RPS6KC1: variants seen among roughly 807,000 people sequenced by gnomAD.
RPS6KC1 encodes inactive ribosomal protein S6 kinase delta-1.
Under a neutral mutation model 103.8 loss-of-function variants are expected in RPS6KC1, and 54 were observed. The ratio of observed to expected loss-of-function variants is 0.52; its 90% CI spans 0.42 to 0.65. The LOEUF (loss-of-function observed/expected upper bound fraction) is 0.65, where lower values mean the gene tolerates loss of function less well. Ranked by LOEUF, RPS6KC1 falls within the 30% of genes least tolerant of loss-of-function variation. The pLI, the probability that RPS6KC1 is intolerant of heterozygous loss-of-function variation, is 0.00. For missense variants in RPS6KC1, 1,151 were observed against 1,253.8 expected (o/e 0.92, Z 1.24); for synonymous variants, 439 against 438.7 (o/e 1.00, Z -0.01).
At chr1:213,675,133 G>C in the RPS6KC1 span, among the ~76,000 whole-genome samples, 619 of 152,310 alleles carry the variant, frequency 4.1e-3, 2 homozygotes, top group East Asian at 0.033. Context: ...CTGAGCAGAA[G>C]CTCTTAAAAT....
At chr1:213,709,171 G>A in the RPS6KC1 span, among the ~76,000 whole-genome samples, 15 of 152,218 alleles carry the variant, frequency 9.9e-5, no homozygotes, top group East Asian at 5.8e-4. Context: ...CTGTGAATCC[G>A]TCTGGTCCTG....
chr1:213,569,395 GT>G, the RPS6KC1 span, among the ~76,000 whole-genome samples: 1 of 152,132 alleles, frequency 6.6e-6, no homozygotes, highest in African/African-American at 2.4e-5. Flanking sequence ...TAAGGATCCA[GT>G]GATCAAGGCT....
At chr1:213,421,069 A>G in the RPS6KC1 span, among the ~76,000 whole-genome samples, 1 of 152,176 alleles carries the variant, frequency 6.6e-6, no homozygotes, top group Non-Finnish European at 1.5e-5. Flanking sequence ...GTTTCCAAAT[A>G]AGGTCACATT....
the RPS6KC1 span, among the ~76,000 whole-genome samples, chr1:213,620,081 T>C: frequency 2.0e-5 from 3 of 152,352 alleles, no homozygotes; most frequent in African/African-American, 7.2e-5. Context: ...TGTGTTCCAG[T>C]CACTGTCCTG....
At chr1:213,763,393 C>T in the RPS6KC1 span, among the ~76,000 whole-genome samples, 6 of 152,250 alleles carry the variant, frequency 3.9e-5, no homozygotes, top group East Asian at 7.7e-4. Context: ...AGGAGTCCAG[C>T]GAGCTGATGG....
the RPS6KC1 span, among the ~76,000 whole-genome samples, chr1:213,672,270 C>A: frequency 1.3e-5 from 2 of 152,228 alleles, no homozygotes; most frequent in African/African-American, 4.8e-5. Context: ...TATTTGGCCA[C>A]AACCTGATCT....
At chr1:213,226,772 A>C (rs2093974040) in intron 8 of RPS6KC1, among the ~76,000 whole-genome samples, 1 of 152,172 alleles carries the variant, frequency 6.6e-6, no homozygotes, top group East Asian at 1.9e-4. Context: ...TGTTTAGCAT[A>C]GATTACACTC....
chr1:213,677,486 G>T, the RPS6KC1 span, among the ~76,000 whole-genome samples: 1 of 152,118 alleles, frequency 6.6e-6, no homozygotes, highest in Non-Finnish European at 1.5e-5. Context: ...TTAAGAAGAA[G>T]AATAAAAGTA....
chr1:213,737,994 A>G, the RPS6KC1 span, among the ~76,000 whole-genome samples: 1 of 152,220 alleles, frequency 6.6e-6, no homozygotes, highest in Non-Finnish European at 1.5e-5. Flanking sequence ...AGGGTAGTGA[A>G]TATAATGTCT....
At chr1:213,715,578 A>C in the RPS6KC1 span, among the ~76,000 whole-genome samples, 1 of 152,232 alleles carries the variant, frequency 6.6e-6, no homozygotes, top group Non-Finnish European at 1.5e-5. Flanking sequence ...GTTGACATTC[A>C]TGGTTCATAT....
the RPS6KC1 span, among the ~76,000 whole-genome samples, chr1:213,331,250 T>C: frequency 6.6e-6 from 1 of 152,306 alleles, no homozygotes; most frequent in South Asian, 2.1e-4. Flanking sequence ...TCCATCCAAG[T>C]CTTAAAGTTC....
the RPS6KC1 span, among the ~76,000 whole-genome samples, chr1:213,852,338 C>T: frequency 6.6e-6 from 1 of 152,120 alleles, no homozygotes; most frequent in Non-Finnish European, 1.5e-5. Context: ...CTCCCCATCT[C>T]TGTCATCCAC....
the RPS6KC1 span, among the ~76,000 whole-genome samples, chr1:213,646,547 T>C: frequency 6.6e-6 from 1 of 152,096 alleles, no homozygotes; most frequent in African/African-American, 2.4e-5. Flanking sequence ...GATACAGCTG[T>C]TGTCTTGGGG....
chr1:213,106,670 A>G (rs2082531184), intron 4 of RPS6KC1, among the ~76,000 whole-genome samples: 1 of 152,220 alleles, frequency 6.6e-6, no homozygotes, highest in Non-Finnish European at 1.5e-5. Context: ...GCAAATGACC[A>G]TATAGCCACT....
chr1:213,259,734 ATTTT>A (rs71147063), intron 12 of RPS6KC1, among the ~76,000 whole-genome samples: 1 of 97,916 alleles, frequency 1.0e-5, no homozygotes, highest in Admixed American at 1.5e-4. Flanking sequence ...TGTTTTTTTA[ATTTT>A]TTTTTTTTTT....
At chr1:213,558,278 G>A in the RPS6KC1 span, among the ~76,000 whole-genome samples, 1 of 152,358 alleles carries the variant, frequency 6.6e-6, no homozygotes, top group East Asian at 1.9e-4. Context: ...CATGGGTAGA[G>A]AGAGTGGGAA....
chr1:213,130,133 T>C (rs2085442099), intron 6 of RPS6KC1, among the ~76,000 whole-genome samples: 2 of 152,278 alleles, frequency 1.3e-5, no homozygotes, highest in Non-Finnish European at 2.9e-5. Context: ...TAAAAAAAAG[T>C]CAGCATGTCT....
At chr1:213,394,352 G>A in the RPS6KC1 span, among the ~76,000 whole-genome samples, 14 of 152,252 alleles carry the variant, frequency 9.2e-5, no homozygotes, top group African/African-American at 3.1e-4. Context: ...CGGCCATGGC[G>A]AGGGAGTATT....
the RPS6KC1 span, among the ~76,000 whole-genome samples, chr1:213,697,255 G>A: frequency 5.3e-5 from 8 of 152,226 alleles, no homozygotes; most frequent in Admixed American, 2.6e-4. Context: ...ATAATGAAGA[G>A]TGTCAGTGGG....
Sources: allele counts gnomAD v4.1 joint callset (sites outside exome capture counted in the v4.1 genomes callset), GRCh38; gene constraint gnomAD v4.1.1; transcripts MANE v1.5; gene names NCBI Gene and HGNC (gene_info 2026-07-23, HGNC 2026-07-21).